PCDH11Y: variants seen among roughly 807,000 people sequenced by gnomAD.
PCDH11Y encodes protocadherin 11 Y-linked.
For missense variants in PCDH11Y, 12 were observed against 224.8 expected, an observed-to-expected ratio of 0.05 and a Z score of 6.05; for synonymous variants, 9 against 83.6, an observed-to-expected ratio of 0.11 and a Z score of 4.87.
chrY:5,335,304 G>A, intron 2 of PCDH11Y, among the ~76,000 whole-genome samples: 2 of 32,853 alleles, frequency 6.1e-5, no homozygotes, highest in Non-Finnish European at 1.5e-4. Context: ...GGAACCAAAA[G>A]GGGGAGGCAG....
intron 2 of PCDH11Y, among the ~76,000 whole-genome samples, chrY:5,292,319 G>A (rs1332185154): frequency 9.0e-5 from 3 of 33,216 alleles, no homozygotes; most frequent in Non-Finnish European, 1.5e-4. Context: ...AGTTTGAGTA[G>A]AATTGGTACT....
Position 5,594,450 on chromosome Y carries a change from T to TCA in PCDH11Y, c.3352+12666_3352+12667dup, listed in dbSNP as rs2053465345. Among the ~76,000 whole-genome samples, 4 of 29,175 alleles carry TCA rather than the reference T, an allele frequency of 1.4e-4. No individual in the cohort carries two copies. The East Asian group carries it at 2.7e-3, about 20-fold the overall frequency. 78.3% of individuals were successfully genotyped at this position (29,175 alleles called of 37,273 possible). On this transcript the variant is annotated intron_variant, in intron 4 of 4. Transcript: ENST00000400457. ...GCTGGCAGCAGTGGAAGGGCAGGGT[T>TCA]CACACACACACACACCCCACACACA...
chrY:5,438,511 T>C (rs2053277305), intron 2 of PCDH11Y, among the ~76,000 whole-genome samples: 1 of 33,132 alleles, frequency 3.0e-5, no homozygotes, highest in South Asian at 6.8e-4. Context: ...TCCACGTCAA[T>C]AGAGGGAACA....
intron 2 of PCDH11Y, among the ~76,000 whole-genome samples, chrY:5,461,052 G>C (rs2053302792): frequency 3.1e-5 from 1 of 32,138 alleles, no homozygotes; most frequent in African/African-American, 1.2e-4. Context: ...ATTTTCAGTT[G>C]GTTTCCTACT....
chrY:5,603,689 AAG>A (rs2053474964), intron 4 of PCDH11Y, among the ~76,000 whole-genome samples: 1 of 30,130 alleles, frequency 3.3e-5, no homozygotes. Context: ...AGATGTCAGA[AAG>A]AGAGTCCAGA....
chrY:5,358,483 G>C (rs2053170491), intron 2 of PCDH11Y, among the ~76,000 whole-genome samples: 4 of 32,600 alleles, frequency 1.2e-4, no homozygotes, highest in African/African-American at 4.8e-4. Context: ...AAGTGGTAGG[G>C]GTACCGCTTG....
intron 2 of PCDH11Y, among the ~76,000 whole-genome samples, chrY:5,479,908 G>A: frequency 6.1e-5 from 2 of 33,026 alleles, no homozygotes; most frequent in Admixed American, 2.8e-4. Context: ...CTCTAAACTC[G>A]TTACTCTAGT....
chrY:5,311,238 C>T (rs2053099151), intron 2 of PCDH11Y, among the ~76,000 whole-genome samples: 4 of 30,691 alleles, frequency 1.3e-4, no homozygotes, highest in African/African-American at 5.1e-4. Flanking sequence ...AAATACAAAA[C>T]TTTTTTTGAT....
At chrY:5,020,795 G>A in intron 1 of PCDH11Y, among the ~76,000 whole-genome samples, 3 of 33,213 alleles carry the variant, frequency 9.0e-5, no homozygotes, top group African/African-American at 3.5e-4. Flanking sequence ...CAGATGAGAT[G>A]CCACATAACA....
exon 3 of PCDH11Y, chrY:5,032,683 A>C (rs1162254674): frequency 2.8e-5 from 11 of 395,568 alleles, no homozygotes; most frequent in Non-Finnish European, 3.9e-5. Context: ...ATTGCAGTGC[A>C]CTATGAGGAC....
chrY:5,111,170 C>A, intron 2 of PCDH11Y, among the ~76,000 whole-genome samples: 1 of 32,653 alleles, frequency 3.1e-5, no homozygotes, highest in South Asian at 7.0e-4. Flanking sequence ...GTGGCCTGAT[C>A]TCAGCTCACT....
At chrY:5,061,707 C>G in intron 1 of PCDH11Y, among the ~76,000 whole-genome samples, 1 of 33,023 alleles carries the variant, frequency 3.0e-5, no homozygotes, top group South Asian at 6.9e-4. Flanking sequence ...TGATTGATTT[C>G]CTTAAGGCAG....
At chrY:5,061,364 A>G in intron 1 of PCDH11Y, among the ~76,000 whole-genome samples, 7 of 33,511 alleles carry the variant, frequency 2.1e-4, no homozygotes, top group Non-Finnish European at 4.4e-4. Flanking sequence ...TATTTGGAAG[A>G]ACTGTTGTTC....
chrY:5,713,416 T>G, intron 4 of PCDH11Y, among the ~76,000 whole-genome samples: 1 of 32,924 alleles, frequency 3.0e-5, no homozygotes. Context: ...TTTGGCTTAT[T>G]TGGTATATCA....
chrY:5,232,114 C>A, intron 2 of PCDH11Y, among the ~76,000 whole-genome samples: 1 of 33,172 alleles, frequency 3.0e-5, no homozygotes, highest in African/African-American at 1.2e-4. Context: ...AATCACAGAC[C>A]CCAAGAGCTC....
At chrY:5,254,746 C>A (rs2053008066) in intron 2 of PCDH11Y, among the ~76,000 whole-genome samples, 1 of 32,763 alleles carries the variant, frequency 3.1e-5, no homozygotes, top group South Asian at 7.0e-4. Context: ...TGGTCTCAAT[C>A]TCTTGACCTC....
chrY:5,175,478 C>T (rs1602880539), intron 2 of PCDH11Y, among the ~76,000 whole-genome samples: 1 of 23,314 alleles, frequency 4.3e-5, no homozygotes, highest in Non-Finnish European at 9.7e-5. Flanking sequence ...CACCTACTAA[C>T]GTGTCATCTA....
intron 2 of PCDH11Y, among the ~76,000 whole-genome samples, chrY:5,261,166 G>A (rs2053017836): frequency 3.0e-5 from 1 of 32,871 alleles, no homozygotes; most frequent in Admixed American, 2.8e-4. Context: ...TGTATAAATT[G>A]TGCAGTCTTG....
At chrY:5,408,836 T>G in intron 2 of PCDH11Y, among the ~76,000 whole-genome samples, 1 of 34,013 alleles carries the variant, frequency 2.9e-5, no homozygotes, top group Non-Finnish European at 7.3e-5. Context: ...TTAATCTCTT[T>G]GAAATATGCT....
Sources: allele counts gnomAD v4.1 joint callset (sites outside exome capture counted in the v4.1 genomes callset), GRCh38; gene constraint gnomAD v4.1.1; transcripts MANE v1.5; gene names NCBI Gene and HGNC (gene_info 2026-07-23, HGNC 2026-07-21).